COBL: variants seen among roughly 807,000 people sequenced by gnomAD.
COBL encodes protein cordon-bleu.
In COBL, 51 loss-of-function variants were observed where a neutral mutation model predicts 98.8. That is an observed-to-expected ratio of 0.52 (90% CI 0.41 to 0.65). COBL has a LOEUF of 0.65. Ranked by LOEUF, COBL falls within the 30% of genes least tolerant of loss-of-function variation. COBL has a pLI of 0.00. For missense variants in COBL, 1,617 were observed against 1,617.5 expected (o/e 1.00, Z 0.01); for synonymous variants, 634 against 651.7 (o/e 0.97, Z 0.41).
At chr7:51,316,395 G>T (rs1803598431) in intron 1 of COBL, 198 bp downstream of exon 1, 2 of 355,552 alleles carry the variant, frequency 5.6e-6, no homozygotes, top group Non-Finnish European at 9.6e-6. Context: ...AACGACCCGG[G>T]TGCCCAAAGT....
intron 6 of COBL, among the ~76,000 whole-genome samples, chr7:51,118,486 C>A (rs1012699954): frequency 1.3e-5 from 2 of 151,962 alleles, no homozygotes; most frequent in Non-Finnish European, 2.9e-5. Flanking sequence ...ATCCTAGGGG[C>A]CACCTGCATT....
intron 7 of COBL, among the ~76,000 whole-genome samples, chr7:51,054,374 C>A (rs1363157885): frequency 6.6e-6 from 1 of 152,116 alleles, no homozygotes; most frequent in African/African-American, 2.4e-5. Context: ...CCCCACAGTT[C>A]CCGTTTTGCT....
chr7:51,158,047 A>G (rs950711829), intron 5 of COBL, among the ~76,000 whole-genome samples: 1 of 152,216 alleles, frequency 6.6e-6, no homozygotes, highest in South Asian at 2.1e-4. Flanking sequence ...AAGGAAGAAG[A>G]GAGCCAGTTG....
rs114459486 is a variant in COBL at position 51,230,452 on chromosome 7, G to A, written c.42-10508C>T. On this transcript the variant is annotated intron_variant, in intron 1 of 12. Transcript: ENST00000265136. ...TCAAACCCAGCCCCTCCTTTACCCC[G>A]TTCCTGCTCCACTGTTGCTCCTTTC... 1.0e-3 allele frequency among the ~76,000 whole-genome samples: 157 copies of A among 152,000 alleles called. 1 individual carries two copies. In the South Asian group the frequency reaches 0.014, roughly 14 times the overall value.
At chr7:51,169,637 G>A (rs1157786394) in intron 5 of COBL, among the ~76,000 whole-genome samples, 1 of 152,148 alleles carries the variant, frequency 6.6e-6, no homozygotes, top group East Asian at 1.9e-4. Flanking sequence ...TTATTTGTGA[G>A]ATCTGAAAGT....
At position 51,132,679 on chromosome 7, in the gene COBL, G is replaced by A. The variant is rs577841238; in HGVS notation, c.957+3479C>T. ...ACTGGGTAATTTACAAAGAAAAAGG[G>A]TTTAATTGGCTCATGGTTCCATAGA... is the stretch of plus-strand genomic sequence containing the variant. On this transcript the variant is annotated intron_variant, in intron 6 of 12. Coordinates refer to ENST00000265136, the MANE Select transcript of COBL (RefSeq NM_015198.5). Among the ~76,000 whole-genome samples, 301 of 152,286 alleles carry A rather than the reference G, an allele frequency of 2.0e-3. 1 individual carries two copies. Among genetic ancestry groups the A allele is most frequent in the Middle Eastern group, 3.4e-3 (1 of 294 alleles).
At chr7:51,303,287 G>A (rs1420103799) in intron 1 of COBL, among the ~76,000 whole-genome samples, 3 of 152,156 alleles carry the variant, frequency 2.0e-5, no homozygotes, top group East Asian at 1.9e-4. Context: ...CGGGCCGGGC[G>A]TGGTGGCTCA....
At chr7:51,031,013 A>ACTATTGATTTAATGTACTCCTTTCC in intron 8 of COBL, 104 bp from the exon 9 acceptor site, 1 of 795,758 alleles carries the variant, frequency 1.3e-6, no homozygotes, top group South Asian at 1.5e-5. Flanking sequence ...ACTCAAATTC[A>ACTATTGATTTAATGTACTCCTTTCC]AGCAGTCACA....
intron 7 of COBL, among the ~76,000 whole-genome samples, chr7:51,055,273 C>T (rs771026215): frequency 8.5e-5 from 13 of 152,306 alleles, no homozygotes; most frequent in Non-Finnish European, 1.9e-4. Context: ...TTTCCTGTTG[C>T]ACTAATAGCA....
chr7:51,073,349 C>G, intron 7 of COBL: 1 of 697,460 alleles, frequency 1.4e-6, no homozygotes, highest in Non-Finnish European at 2.6e-6. Flanking sequence ...CCATCAGAAG[C>G]GCTTGGCCTG....
intron 5 of COBL, among the ~76,000 whole-genome samples, chr7:51,167,774 T>C (rs1787472057): frequency 6.6e-6 from 1 of 152,042 alleles, no homozygotes; most frequent in Non-Finnish European, 1.5e-5. Context: ...ATCCACATAC[T>C]TACAGCGAAG....
chr7:51,207,198 G>T (rs1446050096), intron 2 of COBL, among the ~76,000 whole-genome samples: 1 of 149,522 alleles, frequency 6.7e-6, no homozygotes, highest in African/African-American at 2.5e-5. Flanking sequence ...AGAAAAAAAA[G>T]AAAATCACTT....
chr7:51,136,622 T>G lies in COBL; in HGVS notation c.784-291A>C, dbSNP rs543066431. On this transcript the variant is annotated intron_variant, in intron 5 of 12. Transcript: ENST00000265136. ...ACTTAGCAGCTAGAATCATTTAAAC[T>G]TCTTGACCAACCTGCAGGTGTGAAC... Among the ~76,000 whole-genome samples the G allele has an allele frequency of 2.6e-5, 4 of 152,342 alleles. No individual in the cohort carries two copies. In the East Asian group the frequency reaches 5.8e-4, roughly 22 times the overall value.
At position 51,219,959 on chromosome 7, in the gene COBL, C is replaced by T. The variant is rs191534648; in HGVS notation, c.42-15G>A. 1.5e-5 allele frequency: 24 copies of T among 1,605,390 alleles called. No individual in the cohort carries two copies. In the Admixed American group the frequency reaches 3.9e-4, roughly 26 times the overall value. Reference sequence around the variant, plus strand: ...TCATCTTCCTCCTTAAAAACAACAACACAAAGGCACAGAGTCAGTGGCAAT... The same window carrying T: ...TCATCTTCCTCCTTAAAAACAACAATACAAAGGCACAGAGTCAGTGGCAAT... On this transcript the variant is annotated splice_polypyrimidine_tract_variant and intron_variant, in intron 1 of 12. Coordinates refer to ENST00000265136, the MANE Select transcript of COBL (RefSeq NM_015198.5).
At chr7:51,156,348 C>T in intron 5 of COBL, 2 of 985,348 alleles carry the variant, frequency 2.0e-6, no homozygotes, top group Non-Finnish European at 2.4e-6. Context: ...CAAATTATCT[C>T]AGTTTGAAGC....
chr7:51,026,639 C>T lies in COBL; in HGVS notation c.3411G>A (p.Arg1137=), dbSNP rs1406142012. ...CCTCCGTGTAGGACAGTTTCGCTGG[C>T]CTGCCCTCCCCGGTGTGTTCTGCCG... The part of the protein sequence containing the change: ...RKTAEHTGEG[R]PAKLSYTEAE... The change falls in exon 11 of 13, where the codon AGG becomes AGA. Residue 1137 remains arginine (R), a synonymous_variant. Coordinates refer to ENST00000265136, the MANE Select transcript of COBL (RefSeq NM_015198.5). The T allele has an allele frequency of 6.2e-7, 1 of 1,614,054 alleles. No individual in the cohort carries two copies. The highest frequency in any genetic ancestry group is 1.7e-5 in the Admixed American group (1 of 60,028).
intron 6 of COBL, among the ~76,000 whole-genome samples, chr7:51,133,165 G>C (rs796968017): frequency 7.9e-5 from 12 of 152,136 alleles, no homozygotes; most frequent in African/African-American, 2.7e-4. Flanking sequence ...GTGGGCCCCA[G>C]GAGATGAAGC....
At position 51,029,143 on chromosome 7, in the gene COBL, C is replaced by A; in HGVS notation, c.1953G>T (p.Val651=). 2.5e-6 allele frequency: 4 copies of A among 1,614,192 alleles called. No homozygotes were observed. Among genetic ancestry groups the A allele is most frequent in the Non-Finnish European group, 1.7e-6 (2 of 1,180,042 alleles). The change falls in exon 10 of 13, where the codon GTG becomes GTT. Residue 651 remains valine, a synonymous_variant. Coordinates refer to ENST00000265136, the MANE Select transcript of COBL (RefSeq NM_015198.5). ...DNLNAKVKDK[V]YGCADGERTQ... ...TCCTCTCCCCGTCAGCACAGCCATA[C>A]ACTTTGTCTTTCACTTTTGCATTTA...
intron 7 of COBL, chr7:51,064,894 G>A (rs962306916): frequency 6.1e-5 from 31 of 507,052 alleles, no homozygotes; most frequent in Non-Finnish European, 1.0e-4. Flanking sequence ...AGTCTCCAGG[G>A]CCCTGCTGCC....
Sources: allele counts gnomAD v4.1 joint callset (sites outside exome capture counted in the v4.1 genomes callset), GRCh38; gene constraint gnomAD v4.1.1; transcripts MANE v1.5; gene names NCBI Gene and HGNC (gene_info 2026-07-23, HGNC 2026-07-21).